Variants in AGMO observed in about 807,000 individuals in gnomAD.
AGMO encodes the protein alkylglycerol monooxygenase, also known as glyceryl-ether monooxygenase.
In AGMO, 75 loss-of-function variants were observed where a neutral mutation model predicts 60.2. The observed-to-expected ratio is 1.25, with a 90% CI of 1.03 to 1.51. The LOEUF is 1.51. AGMO is among the 40% of genes most tolerant of loss of function. AGMO has a pLI of 0.00. For synonymous variants in AGMO, 261 were observed against 177.1 expected (o/e 1.47, Z -3.76); for missense variants, 763 against 525.5 (o/e 1.45, Z -4.42).
chr7:15,199,944 T>TAG (rs1325769672), downstream of AGMO, among the ~76,000 whole-genome samples: 2 of 152,282 alleles, frequency 1.3e-5, no homozygotes, highest in African/African-American at 4.8e-5. Context: ...TCAGTTCACA[T>TAG]AGACACCTGC....
the AGMO span, among the ~76,000 whole-genome samples, chr7:15,189,642 T>C: frequency 3.3e-5 from 5 of 152,092 alleles, no homozygotes; most frequent in African/African-American, 1.2e-4. Flanking sequence ...GCACCTTCCA[T>C]ACCACTCCAG....
At chr7:15,184,794 G>A in the AGMO span, among the ~76,000 whole-genome samples, 1 of 130,398 alleles carries the variant, frequency 7.7e-6, no homozygotes, top group East Asian at 2.4e-4. Flanking sequence ...GGAAGGAAGG[G>A]AGGAAGAGAG....
chr7:15,385,578 C>G lies in AGMO; in HGVS notation c.958-16G>C, dbSNP rs1329461361. On this transcript the variant is annotated splice_polypyrimidine_tract_variant and intron_variant, in intron 9 of 12. Transcript: ENST00000342526. ...TGCCGGTGACCTAGGGAGACAAGAA[C>G]CATTTCCTTTATATTGCTCCAGACT... The G allele has an allele frequency of 8.2e-6, 12 of 1,456,228 alleles. No individual in the cohort carries two copies. The highest frequency in any genetic ancestry group is 1.2e-5 in the Non-Finnish European group (12 of 1,037,728). 90.2% of individuals were successfully genotyped at this position (1,456,228 alleles called of 1,614,324 possible). A position where few individuals can be genotyped will look rare whatever the true frequency, so the allele number is the denominator to read the frequency against.
chr7:15,234,807 A>G (rs758208478), intron 12 of AGMO, among the ~76,000 whole-genome samples: 9 of 152,190 alleles, frequency 5.9e-5, no homozygotes, highest in Non-Finnish European at 1.2e-4. Context: ...GTCACTGAAT[A>G]TTATTCTTCT....
intron 12 of AGMO, among the ~76,000 whole-genome samples, chr7:15,239,025 T>C (rs1357801244): frequency 6.6e-6 from 1 of 152,202 alleles, no homozygotes; most frequent in South Asian, 2.1e-4. Context: ...AAAGAATAAA[T>C]AACCTTTCCA....
the AGMO span, among the ~76,000 whole-genome samples, chr7:15,187,335 C>G: frequency 6.6e-5 from 10 of 152,140 alleles, no homozygotes; most frequent in African/African-American, 2.4e-4. Flanking sequence ...GCATATGGGA[C>G]ACCAGTATGC....
intron 12 of AGMO, among the ~76,000 whole-genome samples, chr7:15,208,976 A>T (rs1257622653): frequency 6.6e-6 from 1 of 152,196 alleles, no homozygotes; most frequent in Admixed American, 6.5e-5. Flanking sequence ...TTTATTACTG[A>T]CCACTAAAAT....
chr7:15,489,480 G>A (rs1783012400), intron 3 of AGMO, among the ~76,000 whole-genome samples: 2 of 152,112 alleles, frequency 1.3e-5, no homozygotes, highest in African/African-American at 4.8e-5. Context: ...ACCTTTTGAT[G>A]CTTTTGTCCT....
intron 12 of AGMO, among the ~76,000 whole-genome samples, chr7:15,268,365 A>C (rs1055315054): frequency 6.6e-6 from 1 of 152,000 alleles, no homozygotes; most frequent in Admixed American, 6.6e-5. Flanking sequence ...CTCTTCCCGC[A>C]TCTCATACCA....
At chr7:15,212,304 A>G (rs1781617199) in intron 12 of AGMO, among the ~76,000 whole-genome samples, 3 of 151,248 alleles carry the variant, frequency 2.0e-5, no homozygotes. Context: ...CATGGGACCT[A>G]CTTCAAAGGT....
At chr7:15,461,475 G>C (rs575258474) in intron 3 of AGMO, among the ~76,000 whole-genome samples, 2 of 65,536 alleles carry the variant, frequency 3.1e-5, no homozygotes, top group Non-Finnish European at 7.7e-5. Flanking sequence ...AAGAACTTTA[G>C]TGAAAAACTA....
intron 3 of AGMO, among the ~76,000 whole-genome samples, chr7:15,455,329 T>A (rs1265480277): frequency 2.0e-5 from 3 of 152,178 alleles, no homozygotes; most frequent in Non-Finnish European, 4.4e-5. Context: ...TGCAGAAATA[T>A]TCTCCTATTA....
At chr7:15,180,248 A>G in the AGMO span, among the ~76,000 whole-genome samples, 1 of 152,114 alleles carries the variant, frequency 6.6e-6, no homozygotes, top group African/African-American at 2.4e-5. Flanking sequence ...CCTTTTAATT[A>G]GAAGTACAAT....
chr7:15,510,042 T>C (rs531001050), intron 3 of AGMO, among the ~76,000 whole-genome samples: 1 of 152,320 alleles, frequency 6.6e-6, no homozygotes, highest in South Asian at 2.1e-4. Context: ...TACCACATGA[T>C]ACAGCAACCC....
At chr7:15,329,179 C>G (rs1000768985) in intron 12 of AGMO, among the ~76,000 whole-genome samples, 1 of 152,158 alleles carries the variant, frequency 6.6e-6, no homozygotes, top group Non-Finnish European at 1.5e-5. Flanking sequence ...TCTACTGGAA[C>G]GTAAACTCCT....
chr7:15,280,926 A>C (rs1337061376), intron 12 of AGMO, among the ~76,000 whole-genome samples: 2 of 152,204 alleles, frequency 1.3e-5, no homozygotes, highest in Non-Finnish European at 2.9e-5. Context: ...CGTTGTTGGG[A>C]TACGTGAGGA....
At chr7:15,241,423 G>A (rs1481676500) in intron 12 of AGMO, among the ~76,000 whole-genome samples, 2 of 122,744 alleles carry the variant, frequency 1.6e-5, no homozygotes, top group Non-Finnish European at 3.2e-5. Context: ...TAGCGCCACT[G>A]CAGTCCAGCT....
intron 12 of AGMO, among the ~76,000 whole-genome samples, chr7:15,252,148 C>T (rs1462608651): frequency 6.6e-6 from 1 of 152,142 alleles, no homozygotes; most frequent in Non-Finnish European, 1.5e-5. Flanking sequence ...CATTTACCTA[C>T]AATAATCACA....
chr7:15,173,342 A>G, the AGMO span, among the ~76,000 whole-genome samples: 1 of 152,194 alleles, frequency 6.6e-6, no homozygotes, highest in South Asian at 2.1e-4. Context: ...GGCATGGTAT[A>G]TCTGATTTGA....
Sources: allele counts gnomAD v4.1 joint callset (sites outside exome capture counted in the v4.1 genomes callset), GRCh38; gene constraint gnomAD v4.1.1; transcripts MANE v1.5; gene names NCBI Gene and HGNC (gene_info 2026-07-23, HGNC 2026-07-21).